The following CCDC126 variants were observed in gnomAD, a reference collection of about 807,000 sequenced individuals.
The protein encoded by CCDC126 is coiled-coil domain containing 126.
In CCDC126, 5 loss-of-function variants were observed where a neutral mutation model predicts 11.7. That is an observed-to-expected ratio of 0.43 (90% CI 0.22 to 0.90). The LOEUF (loss-of-function observed/expected upper bound fraction) is 0.90, where lower values mean the gene tolerates loss of function less well. CCDC126 is among the 40% of genes least tolerant of loss of function. The pLI, the probability that CCDC126 is intolerant of heterozygous loss-of-function variation, is 0.27. For missense variants in CCDC126, 150 were observed against 163.1 expected (o/e 0.92, Z 0.44); for synonymous variants, 60 against 61.9 (o/e 0.97, Z 0.14).
At chr7:23,638,684 T>A (rs549449265) in intron 3 of CCDC126, among the ~76,000 whole-genome samples, 6 of 91,698 alleles carry the variant, frequency 6.5e-5, no homozygotes, top group African/African-American at 1.4e-4. Context: ...CAAATCCCCC[T>A]CTGCGAGAAA....
intron 3 of CCDC126, among the ~76,000 whole-genome samples, chr7:23,639,956 A>G (rs996653224): frequency 1.3e-5 from 2 of 152,046 alleles, no homozygotes; most frequent in African/African-American, 4.8e-5. Flanking sequence ...TGGGTAGATC[A>G]CCTGAAGTCA....
intron 3 of CCDC126, among the ~76,000 whole-genome samples, chr7:23,617,348 CAAAAAAA>C (rs35391703): frequency 4.1e-4 from 15 of 36,236 alleles, no homozygotes; most frequent in East Asian, 2.7e-3. Flanking sequence ...ATGCTGTCTC[CAAAAAAA>C]AAAAAAAAAA....
intron 3 of CCDC126, among the ~76,000 whole-genome samples, chr7:23,629,768 C>A (rs1005718918): frequency 3.3e-5 from 5 of 152,030 alleles, no homozygotes; most frequent in African/African-American, 1.2e-4. Flanking sequence ...TGTAATTACA[C>A]AATCCAAATA....
chr7:23,597,649 C>G (rs920847897), intron 1 of CCDC126, 44 bp downstream of exon 1: 1 of 152,630 alleles, frequency 6.6e-6, no homozygotes, highest in Non-Finnish European at 1.5e-5. Flanking sequence ...CCGCACCTCT[C>G]GCGCGCCCCT....
chr7:23,625,355 T>A (rs191230877), intron 3 of CCDC126, among the ~76,000 whole-genome samples: 132 of 152,272 alleles, frequency 8.7e-4, no homozygotes, highest in African/African-American at 3.1e-3. Flanking sequence ...CACGTTAAAT[T>A]TAATAGACAT....
intron 3 of CCDC126, among the ~76,000 whole-genome samples, chr7:23,635,596 T>C (rs370030071): frequency 6.6e-6 from 1 of 152,244 alleles, no homozygotes; most frequent in Admixed American, 6.5e-5. Context: ...TGGAGAAAGA[T>C]AGATATAATC....
At chr7:23,632,900 A>G (rs1783140284) in intron 3 of CCDC126, among the ~76,000 whole-genome samples, 1 of 152,244 alleles carries the variant, frequency 6.6e-6, no homozygotes, top group Non-Finnish European at 1.5e-5. Flanking sequence ...AGCATTTCTT[A>G]GGAAAAATTA....
intron 3 of CCDC126, among the ~76,000 whole-genome samples, chr7:23,638,134 G>C (rs1218805983): frequency 6.7e-6 from 1 of 149,490 alleles, no homozygotes; most frequent in African/African-American, 2.5e-5. Flanking sequence ...CCATCCGGGA[G>C]GAGAGGGGCG....
intron 2 of CCDC126, among the ~76,000 whole-genome samples, chr7:23,601,036 T>C (rs1257942033): frequency 6.7e-6 from 1 of 149,266 alleles, no homozygotes; most frequent in Non-Finnish European, 1.5e-5. Flanking sequence ...GCAACATAGT[T>C]AGATCTCATA....
Position 23,643,160 on chromosome 7 carries a change from T to C in CCDC126, c.*45T>C. The C allele has an allele frequency of 6.5e-7, 1 of 1,536,614 alleles. No individual in the cohort carries two copies. Among genetic ancestry groups the C allele is most frequent in the Non-Finnish European group, 8.9e-7 (1 of 1,124,388 alleles). Reference sequence around the variant, plus strand: ...GCTGCTCCATCCACTGTGGATTATATCCTATGGCAGAAAAGCTTTATAATT... The same window carrying C: ...GCTGCTCCATCCACTGTGGATTATACCCTATGGCAGAAAAGCTTTATAATT... On this transcript the variant is annotated 3_prime_UTR_variant, in exon 4 of 4. Coordinates refer to ENST00000307471, the MANE Select transcript of CCDC126 (RefSeq NM_138771.4).
chr7:23,617,227 A>G (rs1295643927), intron 3 of CCDC126, among the ~76,000 whole-genome samples: 1 of 151,748 alleles, frequency 6.6e-6, no homozygotes, highest in Non-Finnish European at 1.5e-5. Flanking sequence ...ACACACCTGT[A>G]ATCCTAGCTA....
chr7:23,632,357 A>C (rs983865975), intron 3 of CCDC126, among the ~76,000 whole-genome samples: 6 of 152,200 alleles, frequency 3.9e-5, no homozygotes, highest in African/African-American at 1.4e-4. Flanking sequence ...TGGCCTTCCA[A>C]AGTGCTGGGA....
chr7:23,616,350 T>A (rs2128016914), intron 3 of CCDC126, among the ~76,000 whole-genome samples: 1 of 152,324 alleles, frequency 6.6e-6, no homozygotes, highest in East Asian at 1.9e-4. Context: ...TAGATTTCTT[T>A]TACTCCTCTA....
At chr7:23,631,734 C>T (rs926620288) in intron 3 of CCDC126, among the ~76,000 whole-genome samples, 15 of 151,574 alleles carry the variant, frequency 9.9e-5, no homozygotes, top group Non-Finnish European at 2.9e-5. Context: ...GCACCTCAGC[C>T]TGGGTGACAG....
At position 23,638,080 on chromosome 7, in the gene CCDC126, C is replaced by T. The variant is rs1364259250; in HGVS notation, c.239-4851C>T. On this transcript the variant is annotated intron_variant, in intron 3 of 3. Transcript: ENST00000307471. ...CCTCTGCCTGGCCAGCCGCCCCGTCCGGGAGGGTGGTGGGGGGGTCAGCCC... is the reference window on the plus strand; with the variant it reads ...CCTCTGCCTGGCCAGCCGCCCCGTCTGGGAGGGTGGTGGGGGGGTCAGCCC... Among the ~76,000 whole-genome samples the T allele has an allele frequency of 9.4e-5, 12 of 127,200 alleles. No individual in the cohort carries two copies. In the East Asian group the frequency reaches 3.1e-3, roughly 33 times the overall value. 83.4% of individuals were successfully genotyped at this position (127,200 alleles called of 152,430 possible). A position where few individuals can be genotyped will look rare whatever the true frequency, so the allele number is the denominator to read the frequency against.
intron 2 of CCDC126, among the ~76,000 whole-genome samples, chr7:23,601,078 T>C (rs1186620505): frequency 6.6e-6 from 1 of 150,526 alleles, no homozygotes; most frequent in African/African-American, 2.5e-5. Context: ...AAAGACTCCA[T>C]ACACGTGTAA....
Position 23,611,525 on chromosome 7 carries a change from C to T in CCDC126, c.210C>T (p.Val70=), listed in dbSNP as rs779145372. 1.7e-5 allele frequency: 28 copies of T among 1,611,752 alleles called. No individual in the cohort carries two copies. Among genetic ancestry groups the T allele is most frequent in the Middle Eastern group, 3.3e-4 (2 of 6,076 alleles). The part of the protein sequence containing the change: ...LAEENKNTVD[V]ENGASMAGYA... The stretch of plus-strand genomic sequence containing the variant: ...AGGAAAATAAGAACACAGTGGATGT[C>T]GAGAACGGTGCTTCTATGGCAGGAT... Residue 70 remains valine (V), a synonymous_variant, in exon 3 of 4, where the codon GTC becomes GTT. Coordinates refer to ENST00000307471, the MANE Select transcript of CCDC126 (RefSeq NM_138771.4).
At chr7:23,638,750 A>AAAAAAAT (rs1783294363) in intron 3 of CCDC126, among the ~76,000 whole-genome samples, 1 of 140,966 alleles carries the variant, frequency 7.1e-6, no homozygotes, top group African/African-American at 2.5e-5. Flanking sequence ...AAAAAAACCA[A>AAAAAAAT]AAAGATCTAT....
At chr7:23,637,244 G>A (rs1463217332) in intron 3 of CCDC126, among the ~76,000 whole-genome samples, 1 of 22,874 alleles carries the variant, frequency 4.4e-5, no homozygotes, top group African/African-American at 2.0e-4. Context: ...CCCCGTTCGG[G>A]AGGGAGGTGG....
Sources: allele counts gnomAD v4.1 joint callset (sites outside exome capture counted in the v4.1 genomes callset), GRCh38; gene constraint gnomAD v4.1.1; transcripts MANE v1.5; gene names NCBI Gene and HGNC (gene_info 2026-07-23, HGNC 2026-07-21).